DIP2B: variants seen among roughly 807,000 people sequenced by gnomAD.
The protein encoded by DIP2B is DIP2 acetate--CoA ligase B (putative), also known as disco-interacting protein 2 homolog B.
In DIP2B, 76 loss-of-function variants were observed where a neutral mutation model predicts 198.0. The ratio of observed to expected loss-of-function variants is 0.38; its 90% CI spans 0.32 to 0.46. The LOEUF is 0.46. DIP2B is among the 20% of genes least tolerant of loss of function. The probability of loss-of-function intolerance (pLI) is 0.99; values close to 1 mark genes in which losing one functional copy is unlikely to be tolerated. For synonymous variants in DIP2B, 701 were observed against 739.1 expected, an observed-to-expected ratio of 0.95 and a Z score of 0.84; for missense variants, 1,559 against 1,978.4, an observed-to-expected ratio of 0.79 and a Z score of 4.02.
intron 17 of DIP2B, among the ~76,000 whole-genome samples, chr12:50,697,792 A>G (rs1939343842): frequency 6.7e-6 from 1 of 150,294 alleles, no homozygotes; most frequent in Non-Finnish European, 1.5e-5. Context: ...TGTCCTCCCA[A>G]GTGCTGGGAT....
At chr12:50,741,376 A>G (rs1940239633) in intron 36 of DIP2B, 40 bp from the exon 37 acceptor site, 5 of 1,603,586 alleles carry the variant, frequency 3.1e-6, no homozygotes, top group Non-Finnish European at 4.3e-6. Flanking sequence ...TGCACTCAGT[A>G]TATGTCCAAG....
chr12:50,511,946 CAAAAAAAAAA>C (rs1294473966), intron 1 of DIP2B, among the ~76,000 whole-genome samples: 1 of 26,538 alleles, frequency 3.8e-5, no homozygotes, highest in Non-Finnish European at 6.5e-5. Context: ...GACTCCGTCT[CAAAAAAAAAA>C]AAAAAAAAAA....
chr12:50,691,216 G>A, intron 13 of DIP2B, 65 bp downstream of exon 13: 1 of 1,402,764 alleles, frequency 7.1e-7, no homozygotes, highest in Non-Finnish European at 1.0e-6. Context: ...TGAGCACAAT[G>A]CTCAGTGATT....
intron 25 of DIP2B, among the ~76,000 whole-genome samples, chr12:50,719,725 CA>C (rs2139584377): frequency 6.6e-6 from 1 of 151,764 alleles, no homozygotes; most frequent in African/African-American, 2.4e-5. Context: ...CCTGTAATCC[CA>C]GCTACTCGGG....
chr12:50,514,426 C>G lies in DIP2B; in HGVS notation c.100+9186C>G, dbSNP rs1440379741. The stretch of plus-strand genomic sequence containing the variant: ...AGACCAGACTCCCTCAGCTTCCCTC[C>G]CTAACACTTGGCAGACTCATCTGTA... On this transcript the variant is annotated intron_variant, in intron 1 of 37. Coordinates refer to ENST00000301180, the MANE Select transcript of DIP2B (RefSeq NM_173602.3). Among the ~76,000 whole-genome samples the G allele has an allele frequency of 2.0e-5, 3 of 152,268 alleles. No individual in the cohort carries two copies. In the East Asian group the frequency reaches 5.8e-4, roughly 29 times the overall value.
At chr12:50,736,977 T>C in intron 34 of DIP2B, 59 bp from the exon 35 acceptor site, 1 of 1,556,882 alleles carries the variant, frequency 6.4e-7, no homozygotes, top group Non-Finnish European at 8.8e-7. Context: ...ACCGTGCGTT[T>C]CCTGGAGGTC....
At chr12:50,666,146 C>T (rs1372789953) in intron 4 of DIP2B, among the ~76,000 whole-genome samples, 1 of 152,080 alleles carries the variant, frequency 6.6e-6, no homozygotes, top group Non-Finnish European at 1.5e-5. Context: ...GTTCTTTAAG[C>T]CAAAGTACAA....
intron 1 of DIP2B, among the ~76,000 whole-genome samples, chr12:50,571,122 G>A (rs1349972811): frequency 6.6e-6 from 1 of 151,940 alleles, no homozygotes; most frequent in Non-Finnish European, 1.5e-5. Context: ...GGGGAAGGAT[G>A]GGGTAGTAGG....
At chr12:50,632,236 C>G (rs1463736604) in intron 2 of DIP2B, among the ~76,000 whole-genome samples, 1 of 151,784 alleles carries the variant, frequency 6.6e-6, no homozygotes, top group African/African-American at 2.4e-5. Flanking sequence ...CCTGTACTCC[C>G]GGCACTTTGG....
chr12:50,699,257 G>T, intron 19 of DIP2B, 55 bp downstream of exon 19: 1 of 1,605,856 alleles, frequency 6.2e-7, no homozygotes, highest in Non-Finnish European at 8.5e-7. Context: ...AGGATGTTAC[G>T]AGGGCAGATC....
At chr12:50,644,578 T>A (rs949296787) in intron 3 of DIP2B, among the ~76,000 whole-genome samples, 1 of 152,208 alleles carries the variant, frequency 6.6e-6, no homozygotes, top group Non-Finnish European at 1.5e-5. Flanking sequence ...TGGTGTTCAG[T>A]GAGTCAAATT....
At chr12:50,508,636 G>T (rs1205893165) in intron 1 of DIP2B, among the ~76,000 whole-genome samples, 1 of 152,034 alleles carries the variant, frequency 6.6e-6, no homozygotes, top group African/African-American at 2.4e-5. Flanking sequence ...ATGTGACGAT[G>T]ACATTGGAAT....
intron 1 of DIP2B, among the ~76,000 whole-genome samples, chr12:50,529,659 A>G (rs1214873081): frequency 1.3e-5 from 2 of 152,092 alleles, no homozygotes; most frequent in Non-Finnish European, 2.9e-5. Context: ...TTGCTTCCCA[A>G]TGGGGATTTG....
In DIP2B at chr12:50,595,946, G is replaced by T. The variant is rs146468558; in HGVS notation, c.101-30030G>T. On this transcript the variant is annotated intron_variant, in intron 1 of 37. Transcript: ENST00000301180. Reference sequence around the variant, plus strand: ...GAGTAGGATTTCTTTGTACCTTTGTGATCTCCAGTAGTTCCTGGAACATAT... The same window carrying T: ...GAGTAGGATTTCTTTGTACCTTTGTTATCTCCAGTAGTTCCTGGAACATAT... Among the ~76,000 whole-genome samples the T allele has an allele frequency of 5.7e-3, 865 of 152,198 alleles. 40 individuals carry two copies. Among genetic ancestry groups the T allele is most frequent in the Admixed American group, 0.048 (729 of 15,274 alleles).
intron 1 of DIP2B, among the ~76,000 whole-genome samples, chr12:50,564,118 T>TTG (rs1420115775): frequency 7.1e-6 from 1 of 141,534 alleles, no homozygotes; most frequent in Admixed American, 7.3e-5. Flanking sequence ...TGCTGGGTTC[T>TTG]TGCGTGTGTG....
chr12:50,673,961 TTATC>T (rs1268905157), intron 5 of DIP2B, among the ~76,000 whole-genome samples: 5 of 152,144 alleles, frequency 3.3e-5, no homozygotes, highest in African/African-American at 1.2e-4. Flanking sequence ...AAAGTGGACT[TTATC>T]TAGTGTTTTT....
chr12:50,563,727 C>G (rs1958540046), intron 1 of DIP2B, among the ~76,000 whole-genome samples: 1 of 151,774 alleles, frequency 6.6e-6, no homozygotes, highest in South Asian at 2.1e-4. Context: ...AACTCCTAGG[C>G]TCAAGCAAGC....
rs1465491723 is a variant in DIP2B at position 50,673,344 on chromosome 12, A to G, written c.641-1130A>G. On this transcript the variant is annotated intron_variant, in intron 5 of 37. Coordinates refer to ENST00000301180, the MANE Select transcript of DIP2B (RefSeq NM_173602.3). The stretch of plus-strand genomic sequence containing the variant: ...TTAGAAGAAAACATCTGGAGAAGTA[A>G]GAAGAAGGAAATTAGAGGGAGGAAA... Among the ~76,000 whole-genome samples the G allele has an allele frequency of 2.0e-5, 3 of 152,214 alleles. No homozygotes were observed. In the East Asian group the frequency reaches 5.8e-4, roughly 29 times the overall value.
chr12:50,633,105 A>G (rs1938092634), intron 2 of DIP2B, among the ~76,000 whole-genome samples: 1 of 151,996 alleles, frequency 6.6e-6, no homozygotes, highest in African/African-American at 2.4e-5. Context: ...TTGTGTGTGG[A>G]ATTGATCTGT....
Sources: allele counts gnomAD v4.1 joint callset (sites outside exome capture counted in the v4.1 genomes callset), GRCh38; gene constraint gnomAD v4.1.1; transcripts MANE v1.5; gene names NCBI Gene and HGNC (gene_info 2026-07-23, HGNC 2026-07-21).